BOC: variants seen among roughly 807,000 people sequenced by gnomAD.
BOC encodes BOC cell adhesion associated, oncogene regulated.
In BOC, 76 loss-of-function variants were observed where a neutral mutation model predicts 112.0. That is an observed-to-expected ratio of 0.68 (90% CI 0.56 to 0.82). BOC has a LOEUF of 0.82. BOC is among the 40% of genes least tolerant of loss of function. The pLI is 0.00. For missense variants in BOC, 1,309 were observed against 1,511.7 expected (o/e 0.87, Z 2.22); for synonymous variants, 580 against 599.8 (o/e 0.97, Z 0.48).
chr3:113,250,403 G>A (rs375600146), intron 3 of BOC, 152 bp from the exon 4 acceptor site: 11 of 863,378 alleles, frequency 1.3e-5, no homozygotes, highest in Non-Finnish European at 1.7e-5. Context: ...ACAAAGGCAG[G>A]TTGGGAAATG....
intron 13 of BOC, 112 bp from the exon 14 acceptor site, chr3:113,280,446 C>G (rs1173724729): frequency 2.7e-6 from 2 of 743,512 alleles, no homozygotes; most frequent in Non-Finnish European, 4.7e-6. Context: ...GCCAGGGGTC[C>G]CAAGTGAAAT....
intron 13 of BOC, 54 bp downstream of exon 13, chr3:113,280,059 TTCCC>T: frequency 6.6e-7 from 1 of 1,519,776 alleles, no homozygotes; most frequent in Non-Finnish European, 8.9e-7. Flanking sequence ...CTAAATGCCC[TTCCC>T]TGTGAGCCTG....
rs771839836 is a variant in BOC at position 113,274,622 on chromosome 3, G to T, written c.1482G>T (p.Arg494=). 3.1e-6 allele frequency: 5 copies of T among 1,610,992 alleles called. No homozygotes were observed. In the Admixed American group the frequency reaches 8.3e-5, roughly 27 times the overall value. Residue 494 remains arginine, a synonymous_variant, in exon 9 of 20, where the codon CGG becomes CGT. Transcript: ENST00000682979. The surrounding 1 kb of genome is among the most constrained non-coding windows in gnomAD (Gnocchi z 4.8). ...SKTDSYELVW[R]PRHEGSGRAP... ...CAGACTCATATGAACTGGTGTGGCG[G>T]CCTCGGCATGAGGGCAGTGGCCGGG...
chr3:113,261,133 T>C (rs1946829498), intron 4 of BOC, among the ~76,000 whole-genome samples: 1 of 152,090 alleles, frequency 6.6e-6, no homozygotes. Flanking sequence ...GGAGTTCTGT[T>C]CATCACAGCC....
chr3:113,252,298 C>CT (rs1202071220), intron 4 of BOC, among the ~76,000 whole-genome samples: 1 of 152,190 alleles, frequency 6.6e-6, no homozygotes, highest in Non-Finnish European at 1.5e-5. Context: ...GGCTTGTTCC[C>CT]TCATGACTCA....
At chr3:113,253,645 A>C (rs576597153) in intron 4 of BOC, among the ~76,000 whole-genome samples, 2 of 152,188 alleles carry the variant, frequency 1.3e-5, no homozygotes, top group East Asian at 1.9e-4. Context: ...TTTCATGTAC[A>C]TCCACCCATG....
At chr3:113,239,299 C>A (rs111977940) in intron 2 of BOC, among the ~76,000 whole-genome samples, 1 of 151,972 alleles carries the variant, frequency 6.6e-6, no homozygotes, top group Non-Finnish European at 1.5e-5. Flanking sequence ...GAGGTAGAGT[C>A]CATACAACTG....
At chr3:113,240,451 A>C (rs1036741355) in intron 2 of BOC, among the ~76,000 whole-genome samples, 5 of 152,126 alleles carry the variant, frequency 3.3e-5, no homozygotes, top group African/African-American at 4.8e-5. Flanking sequence ...CCCAACCCTG[A>C]CTGTAGTTGT....
chr3:113,260,716 ACAGAAAGAACAGAACAGAAC>A (rs1407261449), intron 4 of BOC, among the ~76,000 whole-genome samples: 1 of 99,014 alleles, frequency 1.0e-5, no homozygotes. Context: ...ACAGAACAGA[ACAGAAAGAACAGAACAGAAC>A]AGAACAGAAC....
chr3:113,245,537 A>C (rs368900699), intron 2 of BOC, among the ~76,000 whole-genome samples: 22 of 152,290 alleles, frequency 1.4e-4, no homozygotes, highest in African/African-American at 5.3e-4. Context: ...GGCTGCCAAC[A>C]CTTGCACCCC....
At chr3:113,229,268 C>T (rs1182309985) in intron 2 of BOC, among the ~76,000 whole-genome samples, 1 of 152,222 alleles carries the variant, frequency 6.6e-6, no homozygotes, top group Non-Finnish European at 1.5e-5. Context: ...ATGTTGGGAC[C>T]CTTGGATGGC....
At chr3:113,245,605 A>G (rs1944819808) in intron 2 of BOC, among the ~76,000 whole-genome samples, 1 of 152,180 alleles carries the variant, frequency 6.6e-6, no homozygotes. Context: ...GACAATTGGG[A>G]AAGGTGATTC....
chr3:113,284,341 C>A lies in BOC; in HGVS notation c.2663C>A (p.Thr888Lys), dbSNP rs900203099. 3.7e-6 allele frequency: 6 copies of A among 1,613,840 alleles called. No homozygotes were observed. Among genetic ancestry groups the A allele is most frequent in the East Asian group, 2.2e-5 (1 of 44,896 alleles). Residue 888 changes from threonine to lysine, a missense_variant, in exon 17 of 20, where the codon ACA becomes AAA. Physicochemically the swap from Thr to Lys is moderately conservative, Grantham distance 78. Transcript: ENST00000682979. ...LWRAWSKQKH[T>K]TDLGFPRSAL... is the part of the protein sequence containing the mutation. ...TATTTTTCTGTCCTTCCAGAACATA[C>A]AACAGACCTGGGTTTTCCTCGAAGT...
At chr3:113,219,042 G>A (rs1297912946) in intron 2 of BOC, among the ~76,000 whole-genome samples, 1 of 152,252 alleles carries the variant, frequency 6.6e-6, no homozygotes, top group Non-Finnish European at 1.5e-5. Flanking sequence ...TTGTCCAAAG[G>A]TGGTATTGTG....
At chr3:113,264,952 C>G (rs1947308224) in intron 4 of BOC, among the ~76,000 whole-genome samples, 1 of 152,174 alleles carries the variant, frequency 6.6e-6, no homozygotes, top group South Asian at 2.1e-4. Context: ...GCCCTCGGTC[C>G]TGCCTGCACA....
In BOC at chr3:113,250,783, G is replaced by C. The variant is rs137964032; in HGVS notation, c.326G>C (p.Arg109Pro). The stretch of plus-strand genomic sequence containing the variant: ...GTGGGACGGTACCAGTGTGTGGCCC[G>C]GATGCCTGCGGGGGCTGTGGCCAGC... Reference protein sequence around the residue: ...HTVGRYQCVARMPAGAVASVP... With the variant: ...HTVGRYQCVAPMPAGAVASVP... Residue 109 changes from arginine (R) to proline (P), a missense_variant, in exon 4 of 20, where the codon CGG becomes CCG. Arg to Pro is a moderately radical substitution (Grantham distance 103). Coordinates refer to ENST00000682979, the MANE Select transcript of BOC (RefSeq NM_001378074.1). The C allele has an allele frequency of 1.9e-6, 3 of 1,614,080 alleles. No homozygotes were observed. Among genetic ancestry groups the C allele is most frequent in the Non-Finnish European group, 2.5e-6 (3 of 1,180,016 alleles).
At chr3:113,218,665 G>A (rs1445072961) in intron 2 of BOC, among the ~76,000 whole-genome samples, 1 of 152,248 alleles carries the variant, frequency 6.6e-6, no homozygotes, top group Non-Finnish European at 1.5e-5. Flanking sequence ...ATAGCCAAGA[G>A]TCTAATGGAT....
intron 9 of BOC, among the ~76,000 whole-genome samples, chr3:113,275,268 A>T (rs1016918751): frequency 6.6e-6 from 1 of 152,220 alleles, no homozygotes; most frequent in Non-Finnish European, 1.5e-5. Context: ...TTCAGACCTC[A>T]GCTGTTTCTC....
intron 2 of BOC, among the ~76,000 whole-genome samples, chr3:113,229,323 C>G (rs569175171): frequency 2.0e-5 from 3 of 152,322 alleles, no homozygotes; most frequent in African/African-American, 7.2e-5. Context: ...CTGGAAGCTG[C>G]TGGCCTTGTT....
Sources: allele counts gnomAD v4.1 joint callset (sites outside exome capture counted in the v4.1 genomes callset), GRCh38; gene constraint gnomAD v4.1.1; non-coding constraint Gnocchi (gnomAD v3.1); transcripts MANE v1.5; gene names NCBI Gene and HGNC (gene_info 2026-07-23, HGNC 2026-07-21).